Variants in CEP128 observed in about 807,000 individuals in gnomAD.
CEP128 encodes the protein centrosomal protein 128.
A neutral mutation model predicts 156.7 loss-of-function variants in CEP128; 132 were observed. The observed-to-expected ratio is 0.84, with a 90% confidence interval of 0.73 to 0.97. The LOEUF (loss-of-function observed/expected upper bound fraction) is 0.97. Ranked by LOEUF, CEP128 falls within the 50% of genes least tolerant of loss-of-function variation. The pLI is 0.00. For missense variants in CEP128, 1,252 were observed against 1,281.9 expected (o/e 0.98, Z 0.36); for synonymous variants, 469 against 448.9 (o/e 1.04, Z -0.57).
At chr14:80,609,685 C>A (rs1318591102) in intron 19 of CEP128, among the ~76,000 whole-genome samples, 1 of 152,106 alleles carries the variant, frequency 6.6e-6, no homozygotes, top group Non-Finnish European at 1.5e-5. Context: ...ACAGAGTTAA[C>A]CTCAATGTAA....
intron 2 of CEP128, among the ~76,000 whole-genome samples, chr14:80,952,053 A>G (rs12890015): frequency 1 from 152,163 of 152,178 alleles, 76,074 homozygotes; most frequent in Middle Eastern, 1. Flanking sequence ...ACAAATCCCC[A>G]ATTGTAGTAA....
At chr14:80,805,530 T>C (rs1014809749) in intron 13 of CEP128, among the ~76,000 whole-genome samples, 2 of 152,164 alleles carry the variant, frequency 1.3e-5, no homozygotes, top group Non-Finnish European at 2.9e-5. Context: ...TTATAAAGTT[T>C]TGCTTTTATT....
chr14:80,481,942 A>C (rs1394739780), intron 14 of CEP128, among the ~76,000 whole-genome samples: 1 of 152,252 alleles, frequency 6.6e-6, no homozygotes, highest in Non-Finnish European at 1.5e-5. Context: ...TAAAATAGGT[A>C]GACTTAATAC....
intron 2 of CEP128, among the ~76,000 whole-genome samples, chr14:80,938,558 G>C (rs1885964787): frequency 6.6e-6 from 1 of 152,018 alleles, no homozygotes; most frequent in Non-Finnish European, 1.5e-5. Flanking sequence ...CACAGTATTA[G>C]TACTGCAAGT....
At chr14:80,508,501 G>A (rs1888092186) in intron 23 of CEP128, among the ~76,000 whole-genome samples, 1 of 151,862 alleles carries the variant, frequency 6.6e-6, no homozygotes, top group Non-Finnish European at 1.5e-5. Context: ...CATTATTAGG[G>A]TTATATAGTA....
At chr14:80,592,625 G>C (rs796564744) in intron 19 of CEP128, among the ~76,000 whole-genome samples, 2 of 152,298 alleles carry the variant, frequency 1.3e-5, no homozygotes, top group South Asian at 4.1e-4. Context: ...TAGAAAAAGA[G>C]GGAATCCTCC....
intron 16 of CEP128, among the ~76,000 whole-genome samples, chr14:80,764,005 A>C (rs1259800424): frequency 6.6e-6 from 1 of 152,184 alleles, no homozygotes; most frequent in African/African-American, 2.4e-5. Flanking sequence ...AGCAATTCAA[A>C]ATAATGTTAT....
chr14:80,518,119 C>A (rs1888576979), intron 23 of CEP128, among the ~76,000 whole-genome samples: 1 of 149,260 alleles, frequency 6.7e-6, no homozygotes, highest in Non-Finnish European at 1.5e-5. Context: ...AGGGGGTTGC[C>A]ATTGCCATCT....
chr14:80,539,475 T>C (rs1889641718), intron 21 of CEP128, among the ~76,000 whole-genome samples: 1 of 152,244 alleles, frequency 6.6e-6, no homozygotes, highest in South Asian at 2.1e-4. Context: ...AATACTCTTA[T>C]AATTTATTAC....
chr14:80,943,045 C>A (rs1566730378), upstream of CEP128, among the ~76,000 whole-genome samples: 1 of 152,190 alleles, frequency 6.6e-6, no homozygotes, highest in African/African-American at 2.4e-5. Flanking sequence ...CTCCACCAGA[C>A]AGAGTTTAAG....
rs1166775260 is a variant in CEP128, at chr14:80,852,525, GAGC to G, written c.762+10229_762+10231del. Among the ~76,000 whole-genome samples, 3 of 151,654 alleles carry G rather than the reference GAGC, an allele frequency of 2.0e-5. No individual in the cohort carries two copies. In the East Asian group the frequency reaches 5.8e-4, roughly 29 times the overall value. On this transcript the variant is annotated intron_variant, in intron 9 of 24. Transcript: ENST00000555265. Reference sequence around the variant, plus strand: ...GAGAAAGAGAGAGTAACAGAGTTAAGAGCAGAAGTTAATGAAGCAATAAACAAA... The same window carrying G: ...GAGAAAGAGAGAGTAACAGAGTTAAGAGAAGTTAATGAAGCAATAAACAAA...
At chr14:80,620,173 C>G (rs1893419328) in intron 19 of CEP128, among the ~76,000 whole-genome samples, 1 of 151,924 alleles carries the variant, frequency 6.6e-6, no homozygotes, top group African/African-American at 2.4e-5. Context: ...ACTGGGAGAG[C>G]AGACCAGGGA....
At chr14:80,656,279 TTATATATATA>T (rs1375009097) in intron 19 of CEP128, among the ~76,000 whole-genome samples, 6 of 47,122 alleles carry the variant, frequency 1.3e-4, no homozygotes, top group African/African-American at 4.8e-4. Flanking sequence ...AAGTTTTTAT[TTATATATATA>T]TTTATATATA....
intron 22 of CEP128, among the ~76,000 whole-genome samples, chr14:80,529,412 AAATAAT>A: frequency 6.6e-6 from 1 of 152,206 alleles, no homozygotes; most frequent in African/African-American, 2.4e-5. Flanking sequence ...ATAGGATTAA[AAATAAT>A]AATAATGAGC....
chr14:80,702,830 G>A (rs766755135), intron 19 of CEP128, among the ~76,000 whole-genome samples: 6 of 152,002 alleles, frequency 3.9e-5, no homozygotes, highest in Admixed American at 6.6e-5. Flanking sequence ...TATATTAAGA[G>A]CTACTTCATT....
intron 19 of CEP128, among the ~76,000 whole-genome samples, chr14:80,712,524 T>C (rs1595266217): frequency 1.3e-5 from 2 of 152,182 alleles, no homozygotes; most frequent in South Asian, 4.1e-4. Flanking sequence ...GCCACAGATA[T>C]TTCCTGCACA....
intron 19 of CEP128, among the ~76,000 whole-genome samples, chr14:80,708,991 T>A (rs1897312084): frequency 1.3e-5 from 2 of 152,010 alleles, no homozygotes; most frequent in South Asian, 4.1e-4. Context: ...TTCTATTCTG[T>A]TCTAGTAGTC....
rs1555374104 is a variant in CEP128 at position 80,553,083 on chromosome 14, C to CTTTCT, written c.2880+6195_2880+6196insAGAAA. ...TTCGGTTTTCTTTCTTTCTTTCTTT[C>CTTTCT]TTTTTTTTAATTATACTTTAAGGTC... is the stretch of plus-strand genomic sequence containing the variant. On this transcript the variant is annotated intron_variant, in intron 21 of 24. Coordinates refer to ENST00000555265, the MANE Select transcript of CEP128 (RefSeq NM_152446.5). Among the ~76,000 whole-genome samples, 1,087 of 149,082 alleles carry CTTTCT rather than the reference C, an allele frequency of 7.3e-3. 14 individuals are homozygous for CTTTCT. The highest frequency in any genetic ancestry group is 0.026 in the African/African-American group (1,038 of 39,740).
chr14:80,863,688 T>C (rs1595515855), intron 8 of CEP128, among the ~76,000 whole-genome samples: 1 of 152,132 alleles, frequency 6.6e-6, no homozygotes, highest in African/African-American at 2.4e-5. Flanking sequence ...TAAACACAGC[T>C]GTTATAAGAA....
Sources: gnomAD v4.1 joint callset for allele counts (sites outside exome capture counted in the v4.1 genomes callset) on GRCh38, gnomAD v4.1.1 for gene constraint, MANE v1.5 for transcripts, NCBI Gene and HGNC (gene_info 2026-07-23, HGNC 2026-07-21) for gene names.